PRKD1: variants seen among roughly 807,000 people sequenced by gnomAD.
PRKD1 encodes the protein protein kinase D1, also known as serine/threonine-protein kinase D1.
Under a neutral mutation model 95.9 loss-of-function variants are expected in PRKD1, and 63 were observed. The ratio of observed to expected loss-of-function variants is 0.66; its 90% confidence interval spans 0.54 to 0.81. The LOEUF (loss-of-function observed/expected upper bound fraction) is 0.81, where lower values mean the gene tolerates loss of function less well. Among genes scored for constraint, PRKD1 ranks in the 30% least tolerant of loss-of-function variants. The pLI is 0.00. For synonymous variants in PRKD1, 425 were observed against 423.1 expected (o/e 1.00, Z -0.05); for missense variants, 1,048 against 1,165.3 (o/e 0.90, Z 1.47).
At chr14:29,631,978 T>C (rs1484900224) in intron 9 of PRKD1, among the ~76,000 whole-genome samples, 1 of 151,940 alleles carries the variant, frequency 6.6e-6, no homozygotes, top group Non-Finnish European at 1.5e-5. Flanking sequence ...ATTTGTGTAT[T>C]TTTGTAAAGA....
At chr14:29,605,733 C>T (rs1893680916) in intron 13 of PRKD1, among the ~76,000 whole-genome samples, 1 of 152,194 alleles carries the variant, frequency 6.6e-6, no homozygotes, top group African/African-American at 2.4e-5. Flanking sequence ...AAATATTCAA[C>T]ACATTTGCTA....
At chr14:29,914,257 C>A (rs1356151710) in intron 1 of PRKD1, among the ~76,000 whole-genome samples, 1 of 152,202 alleles carries the variant, frequency 6.6e-6, no homozygotes, top group Non-Finnish European at 1.5e-5. Context: ...AGGCAATTCA[C>A]AATTCAATTC....
intron 4 of PRKD1, among the ~76,000 whole-genome samples, chr14:29,652,342 C>T (rs865795463): frequency 6.6e-6 from 1 of 152,208 alleles, no homozygotes. Context: ...TGATGCCACC[C>T]CCTCCCAGCA....
chr14:29,877,798 G>A (rs1893353124), intron 1 of PRKD1, among the ~76,000 whole-genome samples: 1 of 152,040 alleles, frequency 6.6e-6, no homozygotes, highest in African/African-American at 2.4e-5. Flanking sequence ...CCCATTACTG[G>A]GTATATACCC....
At chr14:29,607,195 T>C (rs1878045141) in intron 13 of PRKD1, among the ~76,000 whole-genome samples, 1 of 152,194 alleles carries the variant, frequency 6.6e-6, no homozygotes, top group South Asian at 2.1e-4. Context: ...TTTACAGTAG[T>C]AAGCCACAGA....
chr14:29,645,639 T>G (rs184267539), intron 4 of PRKD1, among the ~76,000 whole-genome samples: 3 of 152,160 alleles, frequency 2.0e-5, no homozygotes, highest in Non-Finnish European at 4.4e-5. Flanking sequence ...AAAGCTCAAT[T>G]CAGATGCTTC....
chr14:29,899,732 G>C (rs960408445), intron 1 of PRKD1, among the ~76,000 whole-genome samples: 1 of 152,184 alleles, frequency 6.6e-6, no homozygotes, highest in Non-Finnish European at 1.5e-5. Flanking sequence ...TGTTATTAAT[G>C]AATGTGTCAT....
chr14:29,665,279 A>G lies in PRKD1; in HGVS notation c.535+798T>C, dbSNP rs546480916. Among the ~76,000 whole-genome samples, 5 of 152,320 alleles carry G rather than the reference A, an allele frequency of 3.3e-5. No individual in the cohort carries two copies. In the South Asian group the frequency reaches 6.2e-4, roughly 19 times the overall value. Reference sequence around the variant, plus strand: ...TGTACATGTGGTTTTCAGTACATGAATGAATTATATAGTGGTAAAGTCTGG... The same window carrying G: ...TGTACATGTGGTTTTCAGTACATGAGTGAATTATATAGTGGTAAAGTCTGG... On this transcript the variant is annotated intron_variant, in intron 3 of 17. Coordinates refer to ENST00000331968, the MANE Select transcript of PRKD1 (RefSeq NM_002742.3).
chr14:29,781,094 A>T (rs201542063), intron 1 of PRKD1, among the ~76,000 whole-genome samples: 132 of 127,960 alleles, frequency 1.0e-3, no homozygotes, highest in Middle Eastern at 4.1e-3. Flanking sequence ...AACAATGAGA[A>T]CACTTGGACA....
intron 4 of PRKD1, among the ~76,000 whole-genome samples, chr14:29,654,405 C>T (rs1881714083): frequency 6.6e-6 from 1 of 152,070 alleles, no homozygotes; most frequent in Admixed American, 6.5e-5. Context: ...AACTTCTGGC[C>T]TCAAGTGATC....
intron 13 of PRKD1, among the ~76,000 whole-genome samples, chr14:29,619,624 A>G (rs1344975398): frequency 1.3e-5 from 2 of 152,196 alleles, no homozygotes; most frequent in Non-Finnish European, 2.9e-5. Flanking sequence ...TAACTGCTAC[A>G]GAAAACAAAA....
chr14:29,727,701 T>C (rs1886229121), intron 1 of PRKD1, among the ~76,000 whole-genome samples: 1 of 152,006 alleles, frequency 6.6e-6, no homozygotes, highest in African/African-American at 2.4e-5. Flanking sequence ...GATCAGATAG[T>C]TGTAGGTATG....
At chr14:29,790,286 T>A (rs1889482220) in intron 1 of PRKD1, among the ~76,000 whole-genome samples, 1 of 152,082 alleles carries the variant, frequency 6.6e-6, no homozygotes, top group South Asian at 2.1e-4. Flanking sequence ...TTTATAAGTG[T>A]TTATGGGATT....
rs559326198 is a variant in PRKD1 at position 29,923,226 on chromosome 14, T to C, written c.264+4023A>G. Among the ~76,000 whole-genome samples, 421 of 107,466 alleles carry C rather than the reference T, an allele frequency of 3.9e-3. 4 individuals are homozygous for C. Among genetic ancestry groups the C allele is most frequent in the Non-Finnish European group, 5.3e-3 (313 of 59,074 alleles). The allele number at this position is 107,466 out of a possible 152,430, so 70.5% of individuals were successfully genotyped here. On this transcript the variant is annotated intron_variant, in intron 1 of 17. Coordinates refer to ENST00000331968, the MANE Select transcript of PRKD1 (RefSeq NM_002742.3). ...GCCTGGGCAAGAGAGTGAGATTCTG[T>C]CAAAAAAAAAAAAAAAAAAACACAC...
chr14:29,590,964 G>C (rs2138986344), intron 16 of PRKD1, among the ~76,000 whole-genome samples: 1 of 152,200 alleles, frequency 6.6e-6, no homozygotes, highest in East Asian at 1.9e-4. Context: ...ATTTTCAGTA[G>C]AGACGGGGTT....
intron 1 of PRKD1, among the ~76,000 whole-genome samples, chr14:29,731,579 A>T (rs1231239211): frequency 6.6e-6 from 1 of 151,892 alleles, no homozygotes; most frequent in African/African-American, 2.4e-5. Context: ...TTTTCCTTTC[A>T]ATTCTATTAT....
chr14:29,856,916 A>G (rs1289075123), intron 1 of PRKD1, among the ~76,000 whole-genome samples: 1 of 152,204 alleles, frequency 6.6e-6, no homozygotes, highest in Non-Finnish European at 1.5e-5. Context: ...CGAGCCTAAC[A>G]AGGGAACAGT....
chr14:29,823,742 G>A (rs1317364444), intron 1 of PRKD1, among the ~76,000 whole-genome samples: 2 of 152,122 alleles, frequency 1.3e-5, no homozygotes, highest in Admixed American at 6.5e-5. Flanking sequence ...GATAGAAGAG[G>A]AAAGATAAAG....
chr14:29,642,952 T>C (rs1449204406), intron 4 of PRKD1, among the ~76,000 whole-genome samples: 1 of 151,712 alleles, frequency 6.6e-6, no homozygotes, highest in Non-Finnish European at 1.5e-5. Context: ...AAAGTTGAAA[T>C]GCTTTGGAAA....
Sources: allele counts gnomAD v4.1 joint callset (sites outside exome capture counted in the v4.1 genomes callset), GRCh38; gene constraint gnomAD v4.1.1; transcripts MANE v1.5; gene names NCBI Gene and HGNC (gene_info 2026-07-23, HGNC 2026-07-21).